OPCML: variants seen among roughly 807,000 people sequenced by gnomAD.
The protein encoded by OPCML is opioid binding protein/cell adhesion molecule like, also known as opioid-binding protein/cell adhesion molecule.
In OPCML, 13 loss-of-function variants were observed where a neutral mutation model predicts 37.8. That is an observed-to-expected ratio of 0.34 (90% CI 0.22 to 0.55). The LOEUF is 0.55. Among genes scored for constraint, OPCML ranks in the 20% least tolerant of loss-of-function variants. OPCML has a pLI of 0.91. For synonymous variants in OPCML, 176 were observed against 168.8 expected (o/e 1.04, Z -0.33); for missense variants, 341 against 435.6 (o/e 0.78, Z 1.93).
chr11:133,147,697 C>A (rs1949917223), intron 1 of OPCML, among the ~76,000 whole-genome samples: 1 of 152,108 alleles, frequency 6.6e-6, no homozygotes, highest in Admixed American at 6.6e-5. Context: ...CTCACCACAT[C>A]CCCCTTTAAA....
chr11:133,298,528 G>A (rs1289342229), intron 1 of OPCML: 3 of 152,130 alleles, frequency 2.0e-5, no homozygotes, highest in Non-Finnish European at 1.5e-5. Context: ...AACAGAGGAT[G>A]CCATCCCTAC....
At chr11:132,462,948 A>C (rs921428343) in intron 4 of OPCML, among the ~76,000 whole-genome samples, 15 of 152,328 alleles carry the variant, frequency 9.8e-5, no homozygotes, top group African/African-American at 3.6e-4. Context: ...AGTCCCAACA[A>C]GGCCATGACC....
chr11:132,652,739 G>A (rs973084119), intron 3 of OPCML, among the ~76,000 whole-genome samples: 91 of 152,192 alleles, frequency 6.0e-4, no homozygotes, highest in Non-Finnish European at 7.1e-4. Context: ...TTGTCACATC[G>A]AGGACCCTCT....
intron 2 of OPCML, among the ~76,000 whole-genome samples, chr11:132,830,845 C>T (rs546766743): frequency 6.6e-6 from 1 of 152,246 alleles, no homozygotes. Context: ...TAATATAAAA[C>T]TACAAGGGAA....
intron 1 of OPCML, chr11:133,065,600 C>G (rs968793071): frequency 1.3e-5 from 2 of 152,348 alleles, no homozygotes; most frequent in African/African-American, 4.8e-5. Flanking sequence ...AGGCAGTGCT[C>G]TCTGGTTTGC....
rs78729143 is a variant in OPCML at position 132,678,689 on chromosome 11, G to A, written c.147-21370C>T. 5.1e-3 allele frequency among the ~76,000 whole-genome samples: 777 copies of A among 152,256 alleles called. 34 individuals are homozygous for A. The East Asian group carries it at 0.095, about 19-fold the overall frequency. On this transcript the variant is annotated intron_variant, in intron 2 of 7. Transcript: ENST00000524381. ...GACATTCTAGAAAAGGAAAAACTAC[G>A]GAAACAGAAAAACCATCAGTGGCTA...
At chr11:133,505,822 C>G (rs751937230) in intron 1 of OPCML, among the ~76,000 whole-genome samples, 9 of 152,208 alleles carry the variant, frequency 5.9e-5, no homozygotes, top group Non-Finnish European at 1.2e-4. Flanking sequence ...ATGAAGCCTT[C>G]CCTGCTAGGA....
chr11:133,107,958 G>A (rs1949186751), intron 1 of OPCML, among the ~76,000 whole-genome samples: 2 of 152,342 alleles, frequency 1.3e-5, no homozygotes, highest in Admixed American at 6.5e-5. Context: ...GGGTTGGGAT[G>A]ACTACCTCTT....
rs116262074 is a variant in OPCML, at chr11:133,276,011, G to C, written c.61+256253C>G. On this transcript the variant is annotated intron_variant, in intron 1 of 7. Coordinates refer to ENST00000524381, the MANE Select transcript of OPCML (RefSeq NM_001012393.5). Reference sequence around the variant, plus strand: ...CAAAGAAAACAAAAAAAGAGAGATGGTTAGAAAATGAATCGTGGCCAGAGA... The same window carrying C: ...CAAAGAAAACAAAAAAAGAGAGATGCTTAGAAAATGAATCGTGGCCAGAGA... 8.9e-3 allele frequency among the ~76,000 whole-genome samples: 1,358 copies of C among 152,238 alleles called. 21 individuals carry two copies. The highest frequency in any genetic ancestry group is 0.03 in the African/African-American group (1,239 of 41,542).
intron 1 of OPCML, among the ~76,000 whole-genome samples, chr11:133,140,808 C>A (rs74211472): frequency 6.8e-5 from 7 of 102,310 alleles, no homozygotes; most frequent in East Asian, 2.9e-4. Flanking sequence ...AAGAAGAAGA[C>A]GACGACGAAG....
At chr11:132,540,330 G>T (rs2096353112) in intron 3 of OPCML, among the ~76,000 whole-genome samples, 1 of 152,130 alleles carries the variant, frequency 6.6e-6, no homozygotes, top group African/African-American at 2.4e-5. Context: ...CAGTATTCCA[G>T]GTGCCTCTCA....
intron 1 of OPCML, among the ~76,000 whole-genome samples, chr11:133,307,726 C>T (rs548102191): frequency 6.6e-6 from 1 of 152,230 alleles, no homozygotes; most frequent in South Asian, 2.1e-4. Context: ...GTTTTGATTC[C>T]AATATCTGCA....
At chr11:132,782,917 G>GTGTATATATATATA (rs376141259) in intron 2 of OPCML, among the ~76,000 whole-genome samples, 10 of 125,076 alleles carry the variant, frequency 8.0e-5, no homozygotes, top group African/African-American at 2.6e-4. Flanking sequence ...TATAGTGTGT[G>GTGTATATATATATA]TATATATATA....
intron 1 of OPCML, among the ~76,000 whole-genome samples, chr11:133,062,541 G>A (rs182633588): frequency 2.0e-5 from 3 of 152,300 alleles, no homozygotes; most frequent in Middle Eastern, 3.4e-3. Context: ...TAATGTCAAG[G>A]ATTTTGGTAA....
At chr11:132,677,401 A>G (rs1011465796) in intron 2 of OPCML, among the ~76,000 whole-genome samples, 10 of 152,148 alleles carry the variant, frequency 6.6e-5, no homozygotes, top group African/African-American at 2.4e-4. Flanking sequence ...ATATCGAGAC[A>G]CTGATTCTAA....
At chr11:133,503,765 C>A (rs1308098722) in intron 1 of OPCML, among the ~76,000 whole-genome samples, 1 of 152,164 alleles carries the variant, frequency 6.6e-6, no homozygotes, top group East Asian at 1.9e-4. Context: ...ACTCTGACTT[C>A]TATCTCAAAG....
chr11:132,490,026 T>A (rs2096211025), intron 4 of OPCML, among the ~76,000 whole-genome samples: 2 of 152,154 alleles, frequency 1.3e-5, no homozygotes, highest in Admixed American at 1.3e-4. Context: ...GAACTCATCC[T>A]TTTTTACAGC....
chr11:133,347,779 A>C (rs1944036230), intron 1 of OPCML, among the ~76,000 whole-genome samples: 1 of 152,210 alleles, frequency 6.6e-6, no homozygotes. Context: ...GTTGTGTATC[A>C]TTCACTTCAG....
At chr11:132,732,671 A>G (rs762999837) in intron 2 of OPCML, among the ~76,000 whole-genome samples, 24 of 152,340 alleles carry the variant, frequency 1.6e-4, no homozygotes, top group South Asian at 4.1e-4. Flanking sequence ...AAATCCAGAA[A>G]GGAGACCTGA....
Sources: allele counts gnomAD v4.1 joint callset (sites outside exome capture counted in the v4.1 genomes callset), GRCh38; gene constraint gnomAD v4.1.1; transcripts MANE v1.5; gene names NCBI Gene and HGNC (gene_info 2026-07-23, HGNC 2026-07-21).